ELOA: variants seen among roughly 807,000 people sequenced by gnomAD.
ELOA encodes elongin-A.
A neutral mutation model predicts 85.2 loss-of-function variants in ELOA; 15 were observed. The observed-to-expected ratio is 0.18, with a 90% CI of 0.12 to 0.27. ELOA has a LOEUF of 0.27. ELOA is among the 10% of genes least tolerant of loss of function. The pLI is 1.00. For synonymous variants in ELOA, 348 were observed against 357.2 expected, an observed-to-expected ratio of 0.97 and a Z score of 0.29; for missense variants, 769 against 952.7, an observed-to-expected ratio of 0.81 and a Z score of 2.54.
At chr1:23,752,256 T>C in intron 4 of ELOA, 151 bp from the exon 5 acceptor site, 1 of 807,860 alleles carries the variant, frequency 1.2e-6, no homozygotes, top group Non-Finnish European at 2.0e-6. Context: ...ATTTATTTCC[T>C]GACTGAGGTG....
At position 23,757,115 on chromosome 1, in the gene ELOA, C is replaced by T. The variant is rs1204194668; in HGVS notation, c.2247C>T (p.Pro749=). ...CTGTTTCCTATGATCCTAGGAAACCCACTGTGAAGAGTAAGTAACTTGGAG... is the reference window on the plus strand; with the variant it reads ...CTGTTTCCTATGATCCTAGGAAACCTACTGTGAAGAGTAAGTAACTTGGAG... ...SSTVSYDPRK[P]TVKKIAPMMA... is the part of the protein sequence containing the mutation. The change falls in exon 10 of 11, where the codon CCC becomes CCT. Residue 749 remains proline, a synonymous_variant. Coordinates refer to ENST00000613537, the MANE Select transcript of ELOA (RefSeq NM_003198.3). 1.3e-6 allele frequency: 2 copies of T among 1,554,276 alleles called. No homozygotes were observed. Among genetic ancestry groups the T allele is most frequent in the Admixed American group, 4.4e-5 (2 of 45,732 alleles).
chr1:23,750,075 A>G (rs1425911741), intron 3 of ELOA, 127 bp downstream of exon 3: 2 of 677,456 alleles, frequency 3.0e-6, no homozygotes, highest in Non-Finnish European at 4.7e-6. Context: ...ATAATCCATG[A>G]TCATTGTAGA....
At chr1:23,750,166 G>GTTTT (rs775041135) in intron 3 of ELOA, among the ~76,000 whole-genome samples, 1 of 92,590 alleles carries the variant, frequency 1.1e-5, no homozygotes, top group African/African-American at 4.2e-5. Context: ...ATTTTGGTAC[G>GTTTT]TTTCTTTTTT....
At chr1:23,752,359 C>A (rs1471577344) in intron 4 of ELOA, 48 bp from the exon 5 acceptor site, 7 of 1,541,394 alleles carry the variant, frequency 4.5e-6, no homozygotes, top group Non-Finnish European at 6.3e-6. Flanking sequence ...GGAAAGAGAG[C>A]TGTGCTTCTA....
At position 23,743,551 on chromosome 1, in the gene ELOA, C is replaced by T; in HGVS notation, c.48C>T (p.Arg16=). 1 of 1,495,980 alleles carries T rather than the reference C, an allele frequency of 6.7e-7. No homozygotes were observed. The highest frequency in any genetic ancestry group is 8.9e-7 in the Non-Finnish European group (1 of 1,127,820). 92.7% of individuals were successfully genotyped at this position (1,495,980 alleles called of 1,614,324 possible). ...AAGTTGTGGAGAAGCTGCAGGCGCG[C>T]CTGGCCGCGAACCCGGACCCTAAGA... ...ALQVVEKLQA[R]LAANPDPKKL... Residue 16 remains arginine, a synonymous_variant, in exon 1 of 11, where the codon CGC becomes CGT. Coordinates refer to ENST00000613537, the MANE Select transcript of ELOA (RefSeq NM_003198.3).
rs868090244 is a variant in ELOA at position 23,759,834 on chromosome 1, T to C, written c.*261T>C. On this transcript the variant is annotated 3_prime_UTR_variant, in exon 11 of 11. Transcript: ENST00000613537. ...TAAAGGTCAATTATACTTTTGTTGT[T>C]CATTAGCATCTTTGTAAACTATAAG... The C allele has an allele frequency of 4.2e-6, 2 of 479,902 alleles. No individual in the cohort carries two copies. The highest frequency in any genetic ancestry group is 7.5e-6 in the Non-Finnish European group (2 of 267,560). The allele number at this position is 479,902 out of a possible 1,614,324, so 29.7% of individuals were successfully genotyped here.
Position 23,757,092 on chromosome 1 carries a change from G to GT in ELOA, c.2227dup (p.Ser743PhefsTer3). The GT allele has an allele frequency of 6.3e-7, 1 of 1,590,782 alleles. No individual in the cohort carries two copies. The highest frequency in any genetic ancestry group is 8.5e-7 in the Non-Finnish European group (1 of 1,172,882). ...CTTGGCACCAGTGGTCAGCAGCACTGTTTCCTATGATCCTAGGAAACCCAC... is the reference window on the plus strand; with the variant it reads ...CTTGGCACCAGTGGTCAGCAGCACTGTTTTCCTATGATCCTAGGAAACCCAC... On this transcript the variant is annotated frameshift_variant, in exon 10 of 11. Coordinates refer to ENST00000613537, the MANE Select transcript of ELOA (RefSeq NM_003198.3). LOFTEE classifies it high-confidence loss of function.
At chr1:23,758,270 T>A (rs1211093831) in intron 10 of ELOA, among the ~76,000 whole-genome samples, 49 of 97,016 alleles carry the variant, frequency 5.1e-4, no homozygotes, top group Non-Finnish European at 6.4e-4. Flanking sequence ...TTTTTTTTTT[T>A]TTTTTTTTTT....
intron 5 of ELOA, among the ~76,000 whole-genome samples, chr1:23,752,882 G>A (rs1644778291): frequency 1.3e-5 from 2 of 152,150 alleles, no homozygotes; most frequent in Non-Finnish European, 2.9e-5. Flanking sequence ...GGTGGAGGTT[G>A]CAGTGGGCCG....
intron 10 of ELOA, among the ~76,000 whole-genome samples, chr1:23,759,209 G>A (rs1435820100): frequency 6.6e-6 from 1 of 152,218 alleles, no homozygotes; most frequent in Non-Finnish European, 1.5e-5. Flanking sequence ...AAGAAAGTCT[G>A]ACAGAGATTG....
chr1:23,756,183 G>C, intron 8 of ELOA, 91 bp from the exon 9 acceptor site: 1 of 1,436,278 alleles, frequency 7.0e-7, no homozygotes, highest in Non-Finnish European at 9.3e-7. Context: ...TACAAGTGGG[G>C]TTTCAGGGCA....
intron 1 of ELOA, among the ~76,000 whole-genome samples, chr1:23,746,395 G>A (rs1315231691): frequency 1.4e-5 from 2 of 145,634 alleles, no homozygotes; most frequent in Non-Finnish European, 3.0e-5. Flanking sequence ...ATCATCTGAG[G>A]TCAAGAGTTC....
Position 23,759,584 on chromosome 1 carries a change from T to G in ELOA, c.*11T>G. 1 of 1,614,134 alleles carries G rather than the reference T, an allele frequency of 6.2e-7. No homozygotes were observed. The highest frequency in any genetic ancestry group is 8.5e-7 in the Non-Finnish European group (1 of 1,179,976). On this transcript the variant is annotated 3_prime_UTR_variant, in exon 11 of 11. Coordinates refer to ENST00000613537, the MANE Select transcript of ELOA (RefSeq NM_003198.3). ...TTCTCCCGACGATAAACTGAGGACT[T>G]GCCTTGGAAATGGAATCTGGGGAGG... is the stretch of plus-strand genomic sequence containing the variant.
chr1:23,746,218 G>A (rs1417147922), intron 1 of ELOA, among the ~76,000 whole-genome samples: 1 of 151,188 alleles, frequency 6.6e-6, no homozygotes, highest in Non-Finnish European at 1.5e-5. Context: ...AACCCGGGAG[G>A]CAGAGGTTGC....
Position 23,751,496 on chromosome 1 carries a change from C to T in ELOA, c.891C>T (p.Gly297=), listed in dbSNP as rs774822145. ...CAAGGGAGAAACCGCCCTCTAGTGG[C>T]GTAAAGAAAGAGAAGGACAGAGAGG... The part of the protein sequence containing the change: ...DNAREKPPSS[G]VKKEKDREGS... Residue 297 remains glycine, a synonymous_variant, in exon 4 of 11, where the codon GGC becomes GGT. Transcript: ENST00000613537. The T allele has an allele frequency of 7.4e-6, 12 of 1,613,872 alleles. No individual in the cohort carries two copies. The highest frequency in any genetic ancestry group is 4.0e-5 in the African/African-American group (3 of 74,882).
chr1:23,750,921 G>A lies in ELOA; in HGVS notation c.316G>A (p.Glu106Lys). ...CCCTCGGGATGCCCTGCAGAAGGAG[G>A]AGGAGATGGAGGGGGACTACCAAGA... ...KRPRDALQKE[E>K]EMEGDYQETW... Residue 106 changes from glutamate to lysine, a missense_variant, in exon 4 of 11, where the codon GAG becomes AAG. Physicochemically the swap from Glu to Lys is moderately conservative, Grantham distance 56. Coordinates refer to ENST00000613537, the MANE Select transcript of ELOA (RefSeq NM_003198.3). 2 of 1,614,026 alleles carry A rather than the reference G, an allele frequency of 1.2e-6. No homozygotes were observed. Among genetic ancestry groups the A allele is most frequent in the South Asian group, 1.1e-5 (1 of 91,056 alleles).
chr1:23,744,838 A>G lies in ELOA; in HGVS notation c.75+1260A>G, dbSNP rs554427641. Among the ~76,000 whole-genome samples the G allele has an allele frequency of 1.2e-3, 189 of 151,886 alleles. 1 individual carries two copies. Among genetic ancestry groups the G allele is most frequent in the Non-Finnish European group, 6.9e-4 (47 of 67,904 alleles). ...GAGGGAGGGCTAGGGCCGTGGGGGA[A>G]CTGCTCTGCTGAGCCTCTTCCTCAC... On this transcript the variant is annotated intron_variant, in intron 1 of 10. Transcript: ENST00000613537.
intron 7 of ELOA, among the ~76,000 whole-genome samples, chr1:23,755,631 A>C (rs774564643): frequency 6.6e-6 from 1 of 151,940 alleles, no homozygotes; most frequent in Non-Finnish European, 1.5e-5. Context: ...AAAATATAAA[A>C]TAGCTGGGCG....
chr1:23,752,085 G>A, intron 4 of ELOA, 55 bp downstream of exon 4: 1 of 1,499,256 alleles, frequency 6.7e-7, no homozygotes, highest in Non-Finnish European at 8.9e-7. Flanking sequence ...GCCCTGCAGA[G>A]CTCAGAGGAT....
Sources: allele counts gnomAD v4.1 joint callset (sites outside exome capture counted in the v4.1 genomes callset), GRCh38; gene constraint gnomAD v4.1.1; transcripts MANE v1.5; gene names NCBI Gene and HGNC (gene_info 2026-07-23, HGNC 2026-07-21).